Variants in PLS1 observed in about 807,000 individuals in gnomAD.
PLS1 encodes the protein plastin-1.
Under a neutral mutation model 73.7 loss-of-function variants are expected in PLS1, and 32 were observed. The ratio of observed to expected loss-of-function variants is 0.43; its 90% CI spans 0.33 to 0.58. The LOEUF is 0.58. PLS1 is among the 20% of genes least tolerant of loss of function. PLS1 has a pLI of 0.04. For missense variants in PLS1, 633 were observed against 740.5 expected, an observed-to-expected ratio of 0.85 and a Z score of 1.68; for synonymous variants, 217 against 261.3, an observed-to-expected ratio of 0.83 and a Z score of 1.63.
At chr3:142,600,918 T>TA (rs2035914346) in intron 1 of PLS1, among the ~76,000 whole-genome samples, 12 of 17,838 alleles carry the variant, frequency 6.7e-4, no homozygotes, top group South Asian at 2.8e-3. Flanking sequence ...ATATATATAT[T>TA]TTTTTTTTTT....
intron 6 of PLS1, among the ~76,000 whole-genome samples, chr3:142,682,217 G>T (rs977860727): frequency 6.6e-6 from 1 of 152,154 alleles, no homozygotes; most frequent in Non-Finnish European, 1.5e-5. Flanking sequence ...AGGATTTTAA[G>T]GTGAGGAGGT....
intron 4 of PLS1, among the ~76,000 whole-genome samples, chr3:142,675,749 C>T (rs890207231): frequency 2.6e-5 from 4 of 151,774 alleles, no homozygotes; most frequent in Admixed American, 6.6e-5. Flanking sequence ...GATCTCCACT[C>T]ACTGCAACCT....
intron 1 of PLS1, among the ~76,000 whole-genome samples, chr3:142,661,795 A>G (rs905687436): frequency 6.6e-6 from 1 of 152,244 alleles, no homozygotes; most frequent in Non-Finnish European, 1.5e-5. Flanking sequence ...GAAATACAAT[A>G]TAATTCGTAT....
chr3:142,687,836 C>A (rs1195321447), intron 9 of PLS1, among the ~76,000 whole-genome samples: 1 of 152,044 alleles, frequency 6.6e-6, no homozygotes, highest in Non-Finnish European at 1.5e-5. Context: ...TCTGTAACAT[C>A]ATCAAAATAT....
intron 1 of PLS1, among the ~76,000 whole-genome samples, chr3:142,613,502 AAAAAAAGAAAAG>A (rs1226870334): frequency 6.6e-6 from 1 of 152,104 alleles, no homozygotes; most frequent in Non-Finnish European, 1.5e-5. Flanking sequence ...TTTTCAACTT[AAAAAAAGAAAAG>A]AAAAAAGCTA....
chr3:142,641,453 G>A (rs1044726156), intron 1 of PLS1, among the ~76,000 whole-genome samples: 1 of 150,788 alleles, frequency 6.6e-6, no homozygotes, highest in Admixed American at 6.6e-5. Context: ...TATATATCCT[G>A]TTCTTTTTAA....
At chr3:142,685,033 C>G (rs1026534245) in intron 8 of PLS1, among the ~76,000 whole-genome samples, 2 of 151,910 alleles carry the variant, frequency 1.3e-5, no homozygotes, top group Non-Finnish European at 2.9e-5. Flanking sequence ...ATCCTGCCCC[C>G]CAAGAGTAAT....
intron 6 of PLS1, among the ~76,000 whole-genome samples, chr3:142,680,892 A>G (rs893741119): frequency 4.6e-5 from 7 of 152,186 alleles, no homozygotes; most frequent in African/African-American, 1.7e-4. Context: ...TCATTTCTTA[A>G]TCACTGTGTT....
At chr3:142,672,727 A>G (rs2037632080) in intron 4 of PLS1, among the ~76,000 whole-genome samples, 1 of 152,202 alleles carries the variant, frequency 6.6e-6, no homozygotes, top group African/African-American at 2.4e-5. Context: ...AGAAAAATAT[A>G]TGGAATATTT....
intron 12 of PLS1, among the ~76,000 whole-genome samples, chr3:142,701,542 ATTCT>A (rs1037744642): frequency 2.4e-4 from 37 of 152,220 alleles, no homozygotes; most frequent in African/African-American, 8.9e-4. Flanking sequence ...CTAATTTCTC[ATTCT>A]TTCTCTAGTT....
At chr3:142,704,053 T>C in intron 13 of PLS1, 52 bp downstream of exon 13, 1 of 1,524,516 alleles carries the variant, frequency 6.6e-7, no homozygotes, top group South Asian at 1.2e-5. Context: ...CAACAAGTAA[T>C]CTGAACCAAA....
chr3:142,668,474 C>T (rs1388147205), intron 2 of PLS1, among the ~76,000 whole-genome samples: 5 of 152,094 alleles, frequency 3.3e-5, no homozygotes, highest in Non-Finnish European at 7.4e-5. Flanking sequence ...ATGCCTTATG[C>T]GTATTTTACA....
chr3:142,630,864 A>G (rs535513334), intron 1 of PLS1, among the ~76,000 whole-genome samples: 1 of 152,190 alleles, frequency 6.6e-6, no homozygotes, highest in Admixed American at 6.5e-5. Context: ...CAGCAGTCTG[A>G]TATCAAGATG....
At chr3:142,680,471 T>C (rs1419042229) in intron 6 of PLS1, among the ~76,000 whole-genome samples, 2 of 152,236 alleles carry the variant, frequency 1.3e-5, no homozygotes, top group Non-Finnish European at 2.9e-5. Context: ...ATTCAGTTTA[T>C]ATTATTGTAA....
At chr3:142,625,138 T>C (rs2177397) in intron 1 of PLS1, among the ~76,000 whole-genome samples, 38,425 of 151,974 alleles carry the variant, frequency 0.25, 6,906 homozygotes, top group African/African-American at 0.52. Flanking sequence ...TGCTTGGAAC[T>C]CTGGAAATAC....
chr3:142,665,597 C>A (rs2037465569), intron 2 of PLS1, among the ~76,000 whole-genome samples: 1 of 152,022 alleles, frequency 6.6e-6, no homozygotes, highest in Non-Finnish European at 1.5e-5. Context: ...AAATGTATCT[C>A]GTAGTTTGAT....
intron 1 of PLS1, among the ~76,000 whole-genome samples, chr3:142,651,366 G>T (rs996987447): frequency 6.7e-6 from 1 of 149,828 alleles, no homozygotes; most frequent in African/African-American, 2.5e-5. Flanking sequence ...GGAGACTGAG[G>T]CAGGAGAATC....
intron 4 of PLS1, 107 bp downstream of exon 4, chr3:142,671,229 A>T: frequency 1.0e-6 from 1 of 979,142 alleles, no homozygotes; most frequent in Non-Finnish European, 1.6e-6. Flanking sequence ...CCGTTATTTT[A>T]TGTGCCACTG....
rs1176111025 is a variant in PLS1 at position 142,712,184 on chromosome 3, A to G, written c.*177A>G. 2 of 511,776 alleles carry G rather than the reference A, an allele frequency of 3.9e-6. No homozygotes were observed. Among genetic ancestry groups the G allele is most frequent in the Non-Finnish European group, 6.8e-6 (2 of 293,380 alleles). 31.7% of individuals were successfully genotyped at this position (511,776 alleles called of 1,614,324 possible). ...TTAGAGCTGGTCAGCCTTTTTGGGT[A>G]ACACAGTTAATTTACCAACTGATAC... is the stretch of plus-strand genomic sequence containing the variant. On this transcript the variant is annotated 3_prime_UTR_variant, in exon 16 of 16. Transcript: ENST00000457734.
Sources: gnomAD v4.1 joint callset for allele counts (sites outside exome capture counted in the v4.1 genomes callset) on GRCh38, gnomAD v4.1.1 for gene constraint, MANE v1.5 for transcripts, NCBI Gene and HGNC (gene_info 2026-07-23, HGNC 2026-07-21) for gene names.